Variants in KCNT2 observed in about 807,000 individuals in gnomAD.
KCNT2 encodes the protein potassium channel subfamily T member 2.
A neutral mutation model predicts 153.8 loss-of-function variants in KCNT2; 67 were observed. The observed-to-expected ratio is 0.44, with a 90% confidence interval of 0.36 to 0.53. The LOEUF is 0.53. KCNT2 is among the 20% of genes least tolerant of loss of function. The pLI, the probability that KCNT2 is intolerant of heterozygous loss-of-function variation, is 0.00. For missense variants in KCNT2, 975 were observed against 1,354.8 expected (o/e 0.72, Z 4.40); for synonymous variants, 500 against 458.8 (o/e 1.09, Z -1.15).
At chr1:196,313,887 T>C (rs967522676) in intron 21 of KCNT2, among the ~76,000 whole-genome samples, 1 of 151,588 alleles carries the variant, frequency 6.6e-6, no homozygotes, top group Non-Finnish European at 1.5e-5. Flanking sequence ...TTTTAAAATA[T>C]ACTGCTGAAG....
chr1:196,336,794 A>G lies in KCNT2; in HGVS notation c.1784-2734T>C, dbSNP rs1326495897. 7.2e-5 allele frequency among the ~76,000 whole-genome samples: 11 copies of G among 152,294 alleles called. No homozygotes were observed. In the East Asian group the frequency reaches 2.1e-3, roughly 30 times the overall value. On this transcript the variant is annotated intron_variant, in intron 16 of 27. Transcript: ENST00000294725. ...GGCTTTCAGCCATGACCTATCAGAC[A>G]TGGCTTTACATGGTGTTGTCTTAAT... is the stretch of plus-strand genomic sequence containing the variant.
At chr1:196,542,631 C>G (rs949898018) in intron 1 of KCNT2, among the ~76,000 whole-genome samples, 1 of 152,048 alleles carries the variant, frequency 6.6e-6, no homozygotes. Context: ...TAATAATTAA[C>G]ATATAAATGG....
intron 19 of KCNT2, among the ~76,000 whole-genome samples, chr1:196,324,653 G>A (rs981616626): frequency 1.3e-5 from 2 of 152,012 alleles, no homozygotes; most frequent in African/African-American, 2.4e-5. Context: ...ACAGAGGATG[G>A]AGGTAAATAA....
intron 1 of KCNT2, among the ~76,000 whole-genome samples, chr1:196,529,271 A>G (rs973053101): frequency 6.6e-6 from 1 of 152,164 alleles, no homozygotes; most frequent in African/African-American, 2.4e-5. Context: ...AGATTATGAA[A>G]AGTACTCTAT....
At chr1:196,316,913 T>A (rs1240175090) in intron 20 of KCNT2, among the ~76,000 whole-genome samples, 1 of 151,764 alleles carries the variant, frequency 6.6e-6, no homozygotes, top group East Asian at 1.9e-4. Context: ...AAGAATGTTC[T>A]AGGTACAGAG....
chr1:196,606,430 A>G (rs1354341649), intron 1 of KCNT2, among the ~76,000 whole-genome samples: 1 of 152,216 alleles, frequency 6.6e-6, no homozygotes, highest in African/African-American at 2.4e-5. Context: ...AATATTTAAT[A>G]ACTTATTTTA....
At chr1:196,435,141 A>ATG (rs1223601687) in intron 8 of KCNT2, among the ~76,000 whole-genome samples, 71 of 68,424 alleles carry the variant, frequency 1.0e-3, no homozygotes, top group Middle Eastern at 6.3e-3. Flanking sequence ...GTGTGTATGT[A>ATG]TATATATATA....
At chr1:196,592,868 T>C (rs990539795) in intron 1 of KCNT2, among the ~76,000 whole-genome samples, 22 of 149,634 alleles carry the variant, frequency 1.5e-4, no homozygotes, top group African/African-American at 5.3e-4. Context: ...AAAAATAATT[T>C]CTATTAAATT....
At chr1:196,601,160 C>A (rs116758849) in intron 1 of KCNT2, among the ~76,000 whole-genome samples, 2,208 of 152,292 alleles carry the variant, frequency 0.014, 56 homozygotes, top group African/African-American at 0.05. Flanking sequence ...GCAAGCTGCT[C>A]CTTAGCCTGA....
chr1:196,390,396 G>A (rs1363225093), intron 13 of KCNT2, among the ~76,000 whole-genome samples: 1 of 151,486 alleles, frequency 6.6e-6, no homozygotes, highest in Non-Finnish European at 1.5e-5. Flanking sequence ...AAAAGTGAGA[G>A]TAGCAAAGAT....
At chr1:196,490,034 A>G in intron 2 of KCNT2, 97 bp from the exon 3 acceptor site, 1 of 576,364 alleles carries the variant, frequency 1.7e-6, no homozygotes, top group East Asian at 3.1e-5. Context: ...TACAGCACTT[A>G]AATTGTATTT....
chr1:196,273,476 CTA>C, intron 25 of KCNT2: 1 of 1,530,320 alleles, frequency 6.5e-7, no homozygotes, highest in Non-Finnish European at 8.8e-7. Flanking sequence ...ACTTGTGATG[CTA>C]TTTTTCGAGA....
At chr1:196,335,866 A>G (rs976149215) in intron 16 of KCNT2, among the ~76,000 whole-genome samples, 4 of 152,118 alleles carry the variant, frequency 2.6e-5, no homozygotes, top group East Asian at 1.9e-4. Context: ...TGGAACTTCA[A>G]TTCTACTGAT....
chr1:196,561,184 C>T (rs1162506841), intron 1 of KCNT2, among the ~76,000 whole-genome samples: 1 of 151,428 alleles, frequency 6.6e-6, no homozygotes, highest in African/African-American at 2.4e-5. Context: ...CATTCCACGA[C>T]TTATACATAT....
chr1:196,407,920 C>T (rs755886376), intron 12 of KCNT2, among the ~76,000 whole-genome samples: 1 of 151,162 alleles, frequency 6.6e-6, no homozygotes, highest in African/African-American at 2.4e-5. Flanking sequence ...AAAGTTTCTC[C>T]CCTCAGTGTG....
rs1430745583 is a variant in KCNT2 at position 196,227,018 on chromosome 1, G to T, written c.*1206C>A. 6.6e-6 allele frequency: 1 copy of T among 151,754 alleles called. No individual in the cohort carries two copies. Among genetic ancestry groups the T allele is most frequent in the Non-Finnish European group, 1.5e-5 (1 of 67,804 alleles). 9.4% of individuals were successfully genotyped at this position (151,754 alleles called of 1,614,324 possible). ...CAATACAGGTAAAAAATGAAAAACTGGATATCATCAATGGTCAATTTATAT... is the reference window on the plus strand; with the variant it reads ...CAATACAGGTAAAAAATGAAAAACTTGATATCATCAATGGTCAATTTATAT... On this transcript the variant is annotated 3_prime_UTR_variant, in exon 28 of 28. Coordinates refer to ENST00000294725, the MANE Select transcript of KCNT2 (RefSeq NM_198503.5).
intron 1 of KCNT2, among the ~76,000 whole-genome samples, chr1:196,547,026 G>A (rs1404502749): frequency 6.6e-6 from 1 of 151,890 alleles, no homozygotes; most frequent in Non-Finnish European, 1.5e-5. Flanking sequence ...ATTATCTACA[G>A]GATTATGCAA....
chr1:196,243,884 G>A (rs904745874), intron 26 of KCNT2, among the ~76,000 whole-genome samples: 2 of 152,024 alleles, frequency 1.3e-5, no homozygotes, highest in Admixed American at 6.6e-5. Context: ...GAGTGCTTGT[G>A]CCACCCCTCC....
intron 7 of KCNT2, among the ~76,000 whole-genome samples, chr1:196,466,146 G>C (rs1298352542): frequency 6.6e-6 from 1 of 151,998 alleles, no homozygotes; most frequent in Non-Finnish European, 1.5e-5. Context: ...AACAGGCTTT[G>C]TTACTGTCAA....
Sources: allele counts gnomAD v4.1 joint callset (sites outside exome capture counted in the v4.1 genomes callset), GRCh38; gene constraint gnomAD v4.1.1; transcripts MANE v1.5; gene names NCBI Gene and HGNC (gene_info 2026-07-23, HGNC 2026-07-21).